TMEM255B: variants seen among roughly 807,000 people sequenced by gnomAD.
TMEM255B encodes family with sequence similarity 70, member B.
A neutral mutation model predicts 34.5 loss-of-function variants in TMEM255B; 35 were observed. That is an observed-to-expected ratio of 1.01 (90% CI 0.77 to 1.34). The LOEUF (loss-of-function observed/expected upper bound fraction) is 1.34, where lower values mean the gene tolerates loss of function less well. TMEM255B is among the 40% of genes most tolerant of loss of function. The pLI, the probability that TMEM255B is intolerant of heterozygous loss-of-function variation, is 0.00. For synonymous variants in TMEM255B, 206 were observed against 201.2 expected, an observed-to-expected ratio of 1.02 and a Z score of -0.20; for missense variants, 432 against 433.2, an observed-to-expected ratio of 1.00 and a Z score of 0.02.
At chr13:113,793,604 C>T (rs937569861) in intron 3 of TMEM255B, among the ~76,000 whole-genome samples, 1 of 152,264 alleles carries the variant, frequency 6.6e-6, no homozygotes, top group Non-Finnish European at 1.5e-5. Flanking sequence ...CCCAGCCCTA[C>T]CGCCTCATCA....
At chr13:113,796,526 C>T (rs1402153380) in intron 4 of TMEM255B, among the ~76,000 whole-genome samples, 2 of 150,530 alleles carry the variant, frequency 1.3e-5, no homozygotes, top group African/African-American at 4.9e-5. Context: ...AGCACACACA[C>T]CACACAGAGC....
At chr13:113,792,420 T>C (rs973870800) in intron 3 of TMEM255B, among the ~76,000 whole-genome samples, 2 of 152,216 alleles carry the variant, frequency 1.3e-5, no homozygotes, top group African/African-American at 4.8e-5. Context: ...CTGCCCCACC[T>C]CAGTGGGCCC....
At position 113,799,437 on chromosome 13, in the gene TMEM255B, G is replaced by A. The variant is rs1166185048; in HGVS notation, c.423+18G>A. ...AGACAGAGGTGAGCAGGAGCACTGA[G>A]ATTCATGTGGGTTTTGCTCAGCTAA... On this transcript the variant is annotated intron_variant, in intron 5 of 8. Transcript: ENST00000375353. 1.2e-6 allele frequency: 2 copies of A among 1,611,692 alleles called. No homozygotes were observed. Among genetic ancestry groups the A allele is most frequent in the South Asian group, 1.1e-5 (1 of 91,032 alleles).
At position 113,803,663 on chromosome 13, in the gene TMEM255B, G is replaced by C. The variant is rs188438186; in HGVS notation, c.670-1222G>C. Reference sequence around the variant, plus strand: ...CTCCTGCCCCTCCCTCACGGAGCACGACCCTCCATGCCCATCCAACCTCCC... The same window carrying C: ...CTCCTGCCCCTCCCTCACGGAGCACCACCCTCCATGCCCATCCAACCTCCC... On this transcript the variant is annotated intron_variant, in intron 7 of 8. Transcript: ENST00000375353. Among the ~76,000 whole-genome samples, 69 of 151,894 alleles carry C rather than the reference G, an allele frequency of 4.5e-4. 5 individuals are homozygous for C. Among genetic ancestry groups the C allele is most frequent in the African/African-American group, 1.6e-3 (66 of 41,432 alleles).
chr13:113,792,713 A>G (rs1003262242), intron 3 of TMEM255B, among the ~76,000 whole-genome samples: 5 of 152,244 alleles, frequency 3.3e-5, no homozygotes, highest in Admixed American at 3.3e-4. Context: ...AACCAGAGCA[A>G]TTAGGCAGAA....
chr13:113,759,325 G>A lies in TMEM255B; in HGVS notation c.46+10G>A. ...CTGCTGGACCCCGCAGGTGAGCGCG[G>A]GGCTGGGGGCTCGTCTCGGCTCCTG... On this transcript the variant is annotated intron_variant, in intron 1 of 8. Transcript: ENST00000375353. 1 of 1,229,492 alleles carries A rather than the reference G, an allele frequency of 8.1e-7. No individual in the cohort carries two copies. Among genetic ancestry groups the A allele is most frequent in the Non-Finnish European group, 1.0e-6 (1 of 986,434 alleles). 76.2% of individuals were successfully genotyped at this position (1,229,492 alleles called of 1,614,324 possible).
chr13:113,759,777 C>T (rs941916319), intron 1 of TMEM255B, among the ~76,000 whole-genome samples: 1 of 152,162 alleles, frequency 6.6e-6, no homozygotes, highest in Admixed American at 6.5e-5. Flanking sequence ...CCTGTTTGAA[C>T]GTGCAGAGGC....
At chr13:113,773,989 A>G (rs1169755295) in intron 3 of TMEM255B, among the ~76,000 whole-genome samples, 2 of 152,332 alleles carry the variant, frequency 1.3e-5, no homozygotes, top group East Asian at 3.9e-4. Context: ...GATACACGTG[A>G]ACACTTTTTT....
At chr13:113,781,184 A>C (rs2050661284) in intron 3 of TMEM255B, among the ~76,000 whole-genome samples, 2 of 152,330 alleles carry the variant, frequency 1.3e-5, no homozygotes, top group Middle Eastern at 6.8e-3. Flanking sequence ...ATAACTCTTT[A>C]CAATTTTTGT....
intron 3 of TMEM255B, among the ~76,000 whole-genome samples, chr13:113,783,944 C>T (rs755528251): frequency 2.6e-5 from 4 of 151,974 alleles, no homozygotes; most frequent in Admixed American, 1.3e-4. Context: ...ATAGGCAGGC[C>T]TGAATATAGG....
chr13:113,765,365 T>A (rs1035113266), intron 1 of TMEM255B, among the ~76,000 whole-genome samples: 2 of 152,244 alleles, frequency 1.3e-5, no homozygotes, highest in African/African-American at 4.8e-5. Context: ...GCTGATGGGA[T>A]TGCAGAAGTG....
At chr13:113,760,005 G>A (rs2050271004) in intron 1 of TMEM255B, among the ~76,000 whole-genome samples, 2 of 152,158 alleles carry the variant, frequency 1.3e-5, no homozygotes, top group East Asian at 3.8e-4. Flanking sequence ...AGGACTGGAA[G>A]GATGCCGGGT....
chr13:113,793,596 C>T (rs2050869121), intron 3 of TMEM255B, among the ~76,000 whole-genome samples: 1 of 152,280 alleles, frequency 6.6e-6, no homozygotes. Flanking sequence ...CCCGCTGCCC[C>T]AGCCCTACCG....
At chr13:113,790,909 C>T (rs1029072399) in intron 3 of TMEM255B, among the ~76,000 whole-genome samples, 1 of 152,258 alleles carries the variant, frequency 6.6e-6, no homozygotes, top group East Asian at 1.9e-4. Flanking sequence ...CTGAATTTTA[C>T]CTTTCACACT....
At chr13:113,804,375 C>G (rs1281450995) in intron 7 of TMEM255B, among the ~76,000 whole-genome samples, 2 of 152,210 alleles carry the variant, frequency 1.3e-5, no homozygotes, top group African/African-American at 4.8e-5. Flanking sequence ...AGAGGGCCCT[C>G]CCCACCTGCA....
chr13:113,799,415 C>G lies in TMEM255B; in HGVS notation c.419C>G (p.Thr140Arg), dbSNP rs139828029. The G allele has an allele frequency of 6.2e-7, 1 of 1,613,838 alleles. No individual in the cohort carries two copies. Among genetic ancestry groups the G allele is most frequent in the African/African-American group, 1.3e-5 (1 of 74,936 alleles). The change falls in exon 5 of 9, where the codon ACA (threonine) becomes AGA (arginine). Residue 140 changes from threonine (T) to arginine (R), a missense_variant. Thr to Arg is a moderately conservative substitution (Grantham distance 71). Coordinates refer to ENST00000375353, the MANE Select transcript of TMEM255B (RefSeq NM_182614.4). The stretch of plus-strand genomic sequence containing the variant: ...GGGTACTTGTACGATGTCTACCAGA[C>G]AGAGGTGAGCAGGAGCACTGAGATT... The part of the protein sequence containing the change: ...GVGYLYDVYQ[T>R]EVTCHSLDGK...
At chr13:113,764,239 C>A (rs905009116) in intron 1 of TMEM255B, among the ~76,000 whole-genome samples, 1 of 152,180 alleles carries the variant, frequency 6.6e-6, no homozygotes, top group Admixed American at 6.5e-5. Context: ...GCCAGTGTGG[C>A]CTTGGGGCTC....
At position 113,774,273 on chromosome 13, in the gene TMEM255B, C is replaced by T. The variant is rs150371504; in HGVS notation, c.252+5113C>T. The stretch of plus-strand genomic sequence containing the variant: ...TATCCCTACCCATTATCATGTTAGT[C>T]TCCGGTGACATCTGAAGAATGCCCC... On this transcript the variant is annotated intron_variant, in intron 3 of 8. Transcript: ENST00000375353. Among the ~76,000 whole-genome samples, 513 of 152,308 alleles carry T rather than the reference C, an allele frequency of 3.4e-3. 2 individuals are homozygous for T. Among genetic ancestry groups the T allele is most frequent in the African/African-American group, 0.012 (487 of 41,546 alleles).
At position 113,811,972 on chromosome 13, in the gene TMEM255B, C is replaced by T. The variant is rs562358108; in HGVS notation, c.*69C>T. 135 of 1,512,868 alleles carry T rather than the reference C, an allele frequency of 8.9e-5. 1 individual carries two copies. The African/African-American group carries it at 1.4e-3, about 16-fold the overall frequency. 93.7% of individuals were successfully genotyped at this position (1,512,868 alleles called of 1,614,324 possible). On this transcript the variant is annotated 3_prime_UTR_variant, in exon 9 of 9. Coordinates refer to ENST00000375353, the MANE Select transcript of TMEM255B (RefSeq NM_182614.4). ...AAAAAAAGGCAGCCTCTAGAAATCCCGCTTCTGTGGCCAACCTCCTAGAGA... is the reference window on the plus strand; with the variant it reads ...AAAAAAAGGCAGCCTCTAGAAATCCTGCTTCTGTGGCCAACCTCCTAGAGA...
Sources: allele counts gnomAD v4.1 joint callset (sites outside exome capture counted in the v4.1 genomes callset), GRCh38; gene constraint gnomAD v4.1.1; transcripts MANE v1.5; gene names NCBI Gene and HGNC (gene_info 2026-07-23, HGNC 2026-07-21).